DOK5: variants seen among roughly 807,000 people sequenced by gnomAD.
DOK5 encodes docking protein 5, also known as downstream of tyrosine kinase 5.
Under a neutral mutation model 43.3 loss-of-function variants are expected in DOK5, and 27 were observed. That is an observed-to-expected ratio of 0.62 (90% CI 0.46 to 0.86). DOK5 has a LOEUF of 0.86. DOK5 is among the 40% of genes least tolerant of loss of function. The pLI is 0.00. For missense variants in DOK5, 373 were observed against 392.9 expected, an observed-to-expected ratio of 0.95 and a Z score of 0.43; for synonymous variants, 146 against 140.1, an observed-to-expected ratio of 1.04 and a Z score of -0.30.
At chr20:54,624,961 T>C in intron 6 of DOK5, among the ~76,000 whole-genome samples, 1 of 152,164 alleles carries the variant, frequency 6.6e-6, no homozygotes, top group East Asian at 1.9e-4. Context: ...ATGTTTTTTT[T>C]TTTCCCTTAG....
rs760706464 is a variant in DOK5, at chr20:54,618,049, C to T, written c.735+7526C>T. 1.1e-4 allele frequency among the ~76,000 whole-genome samples: 16 copies of T among 152,066 alleles called. 1 individual carries two copies. The highest frequency in any genetic ancestry group is 2.2e-4 in the Non-Finnish European group (15 of 68,026). On this transcript the variant is annotated intron_variant, in intron 6 of 7. Transcript: ENST00000262593. The stretch of plus-strand genomic sequence containing the variant: ...TGTTCTGTTTTGTGTGGCAGGATAC[C>T]GTGGCAAGTAGACACTTGAGGCCTA...
intron 1 of DOK5, among the ~76,000 whole-genome samples, chr20:54,508,142 T>C (rs752865678): frequency 9.9e-5 from 15 of 151,870 alleles, no homozygotes; most frequent in Non-Finnish European, 2.2e-4. Context: ...TCAGGGGGTG[T>C]TTTAGACCCA....
chr20:54,636,873 A>T (rs1261503374), intron 6 of DOK5, among the ~76,000 whole-genome samples: 1 of 152,194 alleles, frequency 6.6e-6, no homozygotes, highest in African/African-American at 2.4e-5. Flanking sequence ...GCCTCCCAAA[A>T]CAGTCACGAG....
intron 6 of DOK5, among the ~76,000 whole-genome samples, chr20:54,619,122 T>C (rs1986909210): frequency 6.9e-6 from 1 of 145,134 alleles, no homozygotes; most frequent in Non-Finnish European, 1.5e-5. Context: ...TAGTTTTGGC[T>C]TTAGATAGCA....
chr20:54,538,349 C>G (rs1490502605), intron 1 of DOK5, among the ~76,000 whole-genome samples: 1 of 151,948 alleles, frequency 6.6e-6, no homozygotes, highest in Non-Finnish European at 1.5e-5. Flanking sequence ...GAACTGTCAA[C>G]CCAGAATCTT....
intron 1 of DOK5, among the ~76,000 whole-genome samples, chr20:54,500,713 C>T (rs1982562799): frequency 1.3e-5 from 2 of 151,970 alleles, no homozygotes; most frequent in Admixed American, 1.3e-4. Flanking sequence ...GGGCATGTGC[C>T]ACCATGCCCG....
At chr20:54,543,472 A>T (rs1984234419) in intron 1 of DOK5, among the ~76,000 whole-genome samples, 1 of 152,046 alleles carries the variant, frequency 6.6e-6, no homozygotes, top group African/African-American at 2.4e-5. Flanking sequence ...AAAAGCAGGT[A>T]ATTCTCAAAA....
intron 1 of DOK5, among the ~76,000 whole-genome samples, chr20:54,548,536 C>A (rs1984421591): frequency 6.6e-6 from 1 of 152,076 alleles, no homozygotes. Flanking sequence ...TGCACCCAGC[C>A]AGGATTAACT....
At chr20:54,544,923 A>G (rs1382708590) in intron 1 of DOK5, among the ~76,000 whole-genome samples, 1 of 152,252 alleles carries the variant, frequency 6.6e-6, no homozygotes, top group Non-Finnish European at 1.5e-5. Context: ...TGTGACTTCC[A>G]GAATCATGGC....
intron 2 of DOK5, among the ~76,000 whole-genome samples, chr20:54,566,405 T>C (rs756015572): frequency 6.6e-6 from 1 of 152,182 alleles, no homozygotes; most frequent in Non-Finnish European, 1.5e-5. Context: ...GAACATAAGT[T>C]GTCCCCCCTC....
In DOK5 at chr20:54,650,556, C is replaced by T; in HGVS notation, c.*77C>T. ...CACCCAGGAGGTCACAGAATGACAGCAAGGGAAATGACGACCAAGAGAAGA... is the reference window on the plus strand; with the variant it reads ...CACCCAGGAGGTCACAGAATGACAGTAAGGGAAATGACGACCAAGAGAAGA... On this transcript the variant is annotated 3_prime_UTR_variant, in exon 8 of 8. Coordinates refer to ENST00000262593, the MANE Select transcript of DOK5 (RefSeq NM_018431.5). 7.1e-7 allele frequency: 1 copy of T among 1,408,180 alleles called. No individual in the cohort carries two copies. Among genetic ancestry groups the T allele is most frequent in the South Asian group, 1.2e-5 (1 of 83,180 alleles). The allele number at this position is 1,408,180 out of a possible 1,614,324, so 87.2% of individuals were successfully genotyped here.
intron 7 of DOK5, among the ~76,000 whole-genome samples, chr20:54,649,475 C>T (rs1979597818): frequency 6.6e-6 from 1 of 152,210 alleles, no homozygotes; most frequent in Non-Finnish European, 1.5e-5. Flanking sequence ...GTGGGGCGGA[C>T]ATGCTCCACT....
intron 1 of DOK5, among the ~76,000 whole-genome samples, chr20:54,528,346 C>A (rs1983648718): frequency 1.3e-5 from 2 of 151,984 alleles, no homozygotes. Flanking sequence ...GTTTAGTTTT[C>A]TTTCATGGGA....
intron 1 of DOK5, among the ~76,000 whole-genome samples, chr20:54,514,586 CTT>C (rs199776939): frequency 7.0e-4 from 71 of 100,922 alleles, no homozygotes; most frequent in Middle Eastern, 5.7e-3. Context: ...AAGTTTTACT[CTT>C]TTTTTTTTTT....
chr20:54,508,609 C>T lies in DOK5; in HGVS notation c.66+32597C>T, dbSNP rs183100123. Among the ~76,000 whole-genome samples the T allele has an allele frequency of 1.7e-3, 254 of 152,052 alleles. 2 individuals carry two copies. The highest frequency in any genetic ancestry group is 5.7e-3 in the African/African-American group (235 of 41,474). On this transcript the variant is annotated intron_variant, in intron 1 of 7. Coordinates refer to ENST00000262593, the MANE Select transcript of DOK5 (RefSeq NM_018431.5). ...ATTTATTTATTTTGACACAGAGTTT[C>T]GCTCTTTGTTGCCCAGGCTGGAGTG...
chr20:54,537,716 A>T (rs1412388509), intron 1 of DOK5, among the ~76,000 whole-genome samples: 3 of 152,138 alleles, frequency 2.0e-5, no homozygotes, highest in Non-Finnish European at 4.4e-5. Context: ...ATTCATGTCA[A>T]CAGGGCCCAG....
At chr20:54,624,036 A>G (rs1987067545) in intron 6 of DOK5, among the ~76,000 whole-genome samples, 1 of 152,242 alleles carries the variant, frequency 6.6e-6, no homozygotes, top group Non-Finnish European at 1.5e-5. Context: ...TTTGTGCAGT[A>G]TTAAAGAATA....
intron 1 of DOK5, among the ~76,000 whole-genome samples, chr20:54,504,311 G>C (rs570193501): frequency 1.3e-5 from 2 of 152,172 alleles, no homozygotes; most frequent in African/African-American, 2.4e-5. Flanking sequence ...TAGTTTAACT[G>C]AGCTGATATA....
intron 1 of DOK5, among the ~76,000 whole-genome samples, chr20:54,542,801 C>T (rs1984211583): frequency 6.6e-6 from 1 of 152,098 alleles, no homozygotes; most frequent in Non-Finnish European, 1.5e-5. Context: ...TTGATTTTTG[C>T]CCTAAAGGCA....
Sources: gnomAD v4.1 joint callset for allele counts (sites outside exome capture counted in the v4.1 genomes callset) on GRCh38, gnomAD v4.1.1 for gene constraint, MANE v1.5 for transcripts, NCBI Gene and HGNC (gene_info 2026-07-23, HGNC 2026-07-21) for gene names.